MGAT4C: variants seen among roughly 807,000 people sequenced by gnomAD.
MGAT4C encodes the protein alpha-1,3-mannosyl-glycoprotein 4-beta-N-acetylglucosaminyltransferase C.
MGAT4C carries 19 observed loss-of-function variants against 40.1 expected under a neutral mutation model. That is an observed-to-expected ratio of 0.47 (90% confidence interval 0.33 to 0.70). The LOEUF is 0.70. MGAT4C is among the 30% of genes least tolerant of loss of function. The pLI is 0.02. For missense variants in MGAT4C, 491 were observed against 563.2 expected, an observed-to-expected ratio of 0.87 and a Z score of 1.30; for synonymous variants, 181 against 187.1, an observed-to-expected ratio of 0.97 and a Z score of 0.27.
chr12:86,505,175 A>T (rs530462930), intron 2 of MGAT4C, among the ~76,000 whole-genome samples: 127 of 152,226 alleles, frequency 8.3e-4, no homozygotes, highest in Non-Finnish European at 9.3e-4. Context: ...CTCAGAGGAC[A>T]TTAATGGCTT....
chr12:86,426,055 CAT>C (rs1178121819), intron 3 of MGAT4C, among the ~76,000 whole-genome samples: 1 of 152,070 alleles, frequency 6.6e-6, no homozygotes, highest in Non-Finnish European at 1.5e-5. Context: ...ATGCAATAAA[CAT>C]ATTTAAATAT....
At chr12:86,653,741 C>T (rs2136538311) in intron 2 of MGAT4C, among the ~76,000 whole-genome samples, 1 of 151,426 alleles carries the variant, frequency 6.6e-6, no homozygotes, top group African/African-American at 2.4e-5. Flanking sequence ...AATGAGTTTT[C>T]ACTCATTTAA....
At chr12:86,816,681 G>T (rs1952614014) in intron 1 of MGAT4C, among the ~76,000 whole-genome samples, 1 of 151,476 alleles carries the variant, frequency 6.6e-6, no homozygotes, top group Non-Finnish European at 1.5e-5. Flanking sequence ...ACAACAGTGG[G>T]TTTTGTATTA....
At chr12:86,735,510 A>G (rs1950971323) in intron 1 of MGAT4C, among the ~76,000 whole-genome samples, 1 of 151,894 alleles carries the variant, frequency 6.6e-6, no homozygotes, top group Non-Finnish European at 1.5e-5. Flanking sequence ...AGCAAGGGAG[A>G]ATCATAATCG....
chr12:86,399,529 C>A (rs1341565634), intron 3 of MGAT4C, among the ~76,000 whole-genome samples: 1 of 152,178 alleles, frequency 6.6e-6, no homozygotes, highest in African/African-American at 2.4e-5. Flanking sequence ...GATCTGCCTG[C>A]CTCGACCTCC....
At chr12:86,529,973 G>A (rs1180524697) in intron 2 of MGAT4C, among the ~76,000 whole-genome samples, 1 of 151,900 alleles carries the variant, frequency 6.6e-6, no homozygotes, top group Non-Finnish European at 1.5e-5. Context: ...TAAATGCTGT[G>A]TAGATGGTTG....
chr12:86,356,009 G>C (rs2136196234), intron 3 of MGAT4C, among the ~76,000 whole-genome samples: 1 of 152,222 alleles, frequency 6.6e-6, no homozygotes, highest in African/African-American at 2.4e-5. Context: ...AAGAAACCCA[G>C]ATGGTGGTAA....
chr12:86,118,909 T>C (rs1220589648), intron 1 of MGAT4C, among the ~76,000 whole-genome samples: 1 of 152,136 alleles, frequency 6.6e-6, no homozygotes, highest in Non-Finnish European at 1.5e-5. Flanking sequence ...TTTATGTAGA[T>C]TCAAAATGAT....
chr12:86,702,346 A>G (rs1417352037), intron 2 of MGAT4C, among the ~76,000 whole-genome samples: 1 of 152,080 alleles, frequency 6.6e-6, no homozygotes, highest in African/African-American at 2.4e-5. Flanking sequence ...GGCCTGGGCC[A>G]GATTTTTAAT....
chr12:86,019,270 T>A (rs1375754371), intron 2 of MGAT4C, among the ~76,000 whole-genome samples: 1 of 152,148 alleles, frequency 6.6e-6, no homozygotes, highest in East Asian at 1.9e-4. Context: ...ATGAGGTAGG[T>A]AAGAATATAT....
chr12:86,029,940 T>C (rs906068144), intron 2 of MGAT4C, among the ~76,000 whole-genome samples: 1 of 151,828 alleles, frequency 6.6e-6, no homozygotes, highest in African/African-American at 2.4e-5. Flanking sequence ...ATAATAAACA[T>C]TAAGTTTCTT....
intron 2 of MGAT4C, among the ~76,000 whole-genome samples, chr12:86,002,638 T>A (rs1230135727): frequency 6.7e-6 from 1 of 150,062 alleles, no homozygotes; most frequent in East Asian, 1.9e-4. Context: ...CATATAGGTA[T>A]AGAATATACA....
chr12:86,715,527 G>T (rs1366173181), intron 2 of MGAT4C, among the ~76,000 whole-genome samples: 8 of 152,082 alleles, frequency 5.3e-5, no homozygotes, highest in Non-Finnish European at 1.0e-4. Context: ...AACTTTTAGA[G>T]AGTCAATCTT....
intron 1 of MGAT4C, among the ~76,000 whole-genome samples, chr12:86,065,966 C>G (rs1006000584): frequency 1.3e-5 from 2 of 152,146 alleles, no homozygotes; most frequent in Admixed American, 6.5e-5. Flanking sequence ...ACAATTGCTA[C>G]AAAGAGAATA....
At chr12:86,771,176 G>A (rs556798769) in intron 1 of MGAT4C, among the ~76,000 whole-genome samples, 1 of 152,192 alleles carries the variant, frequency 6.6e-6, no homozygotes, top group African/African-American at 2.4e-5. Context: ...ATGGGCCTCT[G>A]AATAAACCAT....
chr12:86,376,111 T>C (rs1167787463), intron 3 of MGAT4C, among the ~76,000 whole-genome samples: 1 of 150,608 alleles, frequency 6.6e-6, no homozygotes, highest in African/African-American at 2.4e-5. Context: ...AATGAGGCTG[T>C]AGGGTGGCTC....
chr12:86,058,133 A>G (rs535372990), intron 1 of MGAT4C, among the ~76,000 whole-genome samples: 3 of 152,236 alleles, frequency 2.0e-5, no homozygotes, highest in Non-Finnish European at 4.4e-5. Flanking sequence ...TCAATTGTTA[A>G]TGGGATTTCA....
intron 1 of MGAT4C, among the ~76,000 whole-genome samples, chr12:86,230,519 G>T (rs1951271466): frequency 6.6e-6 from 1 of 152,098 alleles, no homozygotes; most frequent in Non-Finnish European, 1.5e-5. Context: ...ACAAATTTCA[G>T]TTCAACTAGT....
upstream of MGAT4C, among the ~76,000 whole-genome samples, chr12:86,259,792 TA>T: frequency 9.6e-6 from 1 of 104,644 alleles, no homozygotes; most frequent in Non-Finnish European, 1.9e-5. Context: ...TATTAGTAAA[TA>T]TCTATAATAA....
Sources: gnomAD v4.1 joint callset for allele counts (sites outside exome capture counted in the v4.1 genomes callset) on GRCh38, gnomAD v4.1.1 for gene constraint, MANE v1.5 for transcripts, NCBI Gene and HGNC (gene_info 2026-07-23, HGNC 2026-07-21) for gene names.